MNAT1: variants seen among roughly 807,000 people sequenced by gnomAD.
MNAT1 encodes the protein MNAT1 component of CDK activating kinase, also known as CDK-activating kinase assembly factor MAT1.
MNAT1 carries 43 observed loss-of-function variants against 42.0 expected under a neutral mutation model. The ratio of observed to expected loss-of-function variants is 1.02; its 90% CI spans 0.80 to 1.32. The LOEUF is 1.32. MNAT1 is among the 40% of genes most tolerant of loss of function. The probability of loss-of-function intolerance (pLI) is 0.00; values close to 1 mark genes in which losing one functional copy is unlikely to be tolerated. For synonymous variants in MNAT1, 118 were observed against 120.0 expected (o/e 0.98, Z 0.11); for missense variants, 306 against 350.4 (o/e 0.87, Z 1.01).
chr14:60,896,612 A>G (rs1315140408), intron 7 of MNAT1, among the ~76,000 whole-genome samples: 1 of 152,008 alleles, frequency 6.6e-6, no homozygotes, highest in Non-Finnish European at 1.5e-5. Context: ...CAACCTTCTG[A>G]GTAGCTGGAA....
intron 3 of MNAT1, 48 bp downstream of exon 3, chr14:60,798,208 T>TAAAAGATAAAAGC: frequency 1.0e-6 from 1 of 1,002,632 alleles, no homozygotes; most frequent in Non-Finnish European, 1.5e-6. Context: ...CATGTGCTTT[T>TAAAAGATAAAAGC]ATCTTTTAAA....
At chr14:60,962,588 T>C (rs2139622647) in intron 7 of MNAT1, among the ~76,000 whole-genome samples, 1 of 152,348 alleles carries the variant, frequency 6.6e-6, no homozygotes, top group Non-Finnish European at 1.5e-5. Flanking sequence ...ATAACTGTTC[T>C]ATCCAAAATA....
At chr14:60,891,244 A>T (rs2034837076) in intron 7 of MNAT1, among the ~76,000 whole-genome samples, 1 of 152,050 alleles carries the variant, frequency 6.6e-6, no homozygotes, top group Admixed American at 6.5e-5. Flanking sequence ...TAGTCTGTTT[A>T]GCTAAAGATC....
chr14:60,865,814 A>G (rs1436023841), intron 6 of MNAT1, among the ~76,000 whole-genome samples: 1 of 152,116 alleles, frequency 6.6e-6, no homozygotes, highest in African/African-American at 2.4e-5. Flanking sequence ...TAATGAAAAT[A>G]ATGTTTGCCT....
Position 60,824,345 on chromosome 14 carries a change from G to GGTTTTAA in MNAT1, c.687+5498_687+5499insGTTTTAA, listed in dbSNP as rs1309420255. ...TACCTTGTTTGTCATATGTGTACTA[G>GGTTTTAA]CTATTAGGTTATAAACATCTTGAGG... On this transcript the variant is annotated intron_variant, in intron 6 of 7. Coordinates refer to ENST00000261245, the MANE Select transcript of MNAT1 (RefSeq NM_002431.4). 2.0e-4 allele frequency among the ~76,000 whole-genome samples: 30 copies of GGTTTTAA among 152,104 alleles called. No individual in the cohort carries two copies. In the East Asian group the frequency reaches 5.6e-3, roughly 28 times the overall value.
At chr14:60,893,310 C>T (rs2034884410) in intron 7 of MNAT1, among the ~76,000 whole-genome samples, 1 of 151,898 alleles carries the variant, frequency 6.6e-6, no homozygotes, top group Non-Finnish European at 1.5e-5. Context: ...ATTTTCACTT[C>T]TTAAATTCCC....
chr14:60,849,676 C>T (rs1183642945), intron 6 of MNAT1, among the ~76,000 whole-genome samples: 4 of 152,014 alleles, frequency 2.6e-5, no homozygotes, highest in African/African-American at 9.7e-5. Context: ...CACAGGTGGA[C>T]AGTGGAAATC....
intron 6 of MNAT1, among the ~76,000 whole-genome samples, chr14:60,867,331 A>C (rs1362481096): frequency 2.6e-5 from 4 of 152,090 alleles, no homozygotes; most frequent in Non-Finnish European, 5.9e-5. Flanking sequence ...AATTTTTGTG[A>C]AAATTGGTAA....
chr14:60,781,349 G>A (rs191784324), intron 1 of MNAT1, among the ~76,000 whole-genome samples: 136 of 152,216 alleles, frequency 8.9e-4, no homozygotes, highest in African/African-American at 2.8e-3. Context: ...ATCATTTATT[G>A]ATTTGTAGAA....
At chr14:60,876,023 C>T (rs898487253) in intron 6 of MNAT1, among the ~76,000 whole-genome samples, 2 of 151,910 alleles carry the variant, frequency 1.3e-5, no homozygotes, top group Non-Finnish European at 2.9e-5. Context: ...CTCTCCCCTC[C>T]CTTTTACCCC....
chr14:60,775,338 G>T (rs908603848), intron 1 of MNAT1, among the ~76,000 whole-genome samples: 6 of 152,158 alleles, frequency 3.9e-5, no homozygotes, highest in Admixed American at 3.3e-4. Context: ...CATGAGAATT[G>T]TTTCAGTGGA....
intron 1 of MNAT1, among the ~76,000 whole-genome samples, chr14:60,779,568 A>T (rs537048922): frequency 6.6e-6 from 1 of 152,148 alleles, no homozygotes; most frequent in Admixed American, 6.5e-5. Flanking sequence ...CAGGAGGATC[A>T]TGAGGTCAGG....
intron 7 of MNAT1, among the ~76,000 whole-genome samples, chr14:60,930,446 C>T (rs1410878150): frequency 6.6e-6 from 1 of 151,874 alleles, no homozygotes; most frequent in Middle Eastern, 3.2e-3. Flanking sequence ...ATGATATTGC[C>T]AAGTGCCAAG....
intron 7 of MNAT1, among the ~76,000 whole-genome samples, chr14:60,882,813 G>A (rs561593796): frequency 1.3e-5 from 2 of 152,076 alleles, no homozygotes; most frequent in African/African-American, 4.8e-5. Flanking sequence ...GTTTTGATTT[G>A]CATTTCTCTG....
intron 6 of MNAT1, among the ~76,000 whole-genome samples, chr14:60,846,468 C>T (rs1195048221): frequency 6.6e-6 from 1 of 152,028 alleles, no homozygotes; most frequent in African/African-American, 2.4e-5. Flanking sequence ...ATAAGCTTTG[C>T]TCTTCTTTTC....
chr14:60,912,903 T>A (rs2035408684), intron 7 of MNAT1, among the ~76,000 whole-genome samples: 1 of 152,230 alleles, frequency 6.6e-6, no homozygotes, highest in East Asian at 1.9e-4. Context: ...TTCTCCTGGA[T>A]AATATCCTGC....
chr14:60,944,353 C>T (rs930041035), intron 7 of MNAT1, among the ~76,000 whole-genome samples: 1 of 152,286 alleles, frequency 6.6e-6, no homozygotes, highest in African/African-American at 2.4e-5. Context: ...AGGGTGGAGC[C>T]TTCCTGACTC....
intron 7 of MNAT1, among the ~76,000 whole-genome samples, chr14:60,954,484 TTTTG>T (rs1160494153): frequency 6.6e-6 from 1 of 152,114 alleles, no homozygotes; most frequent in African/African-American, 2.4e-5. Context: ...TTTGTTTTGT[TTTTG>T]TTTGTTTTGG....
At chr14:60,960,507 A>G (rs1029756086) in intron 7 of MNAT1, among the ~76,000 whole-genome samples, 2 of 152,278 alleles carry the variant, frequency 1.3e-5, no homozygotes, top group Non-Finnish European at 2.9e-5. Context: ...CACTTGGCCC[A>G]TATATCCAGC....
Sources: gnomAD v4.1 joint callset for allele counts (sites outside exome capture counted in the v4.1 genomes callset) on GRCh38, gnomAD v4.1.1 for gene constraint, MANE v1.5 for transcripts, NCBI Gene and HGNC (gene_info 2026-07-23, HGNC 2026-07-21) for gene names.